ZFP41: variants seen among roughly 807,000 people sequenced by gnomAD.
ZFP41 encodes the protein zinc finger protein 41 homolog.
Under a neutral mutation model 11.6 loss-of-function variants are expected in ZFP41, and 10 were observed. That is an observed-to-expected ratio of 0.86 (90% CI 0.53 to 1.47). ZFP41 has a LOEUF of 1.47. ZFP41 is among the 40% of genes most tolerant of loss of function. ZFP41 has a pLI of 0.00. For missense variants in ZFP41, 302 were observed against 264.6 expected (o/e 1.14, Z -0.98); for synonymous variants, 123 against 100.9 (o/e 1.22, Z -1.31).
At position 143,250,561 on chromosome 8, in the gene ZFP41, C is replaced by T; in HGVS notation, c.*121C>T. 1 of 1,483,786 alleles carries T rather than the reference C, an allele frequency of 6.7e-7. No individual in the cohort carries two copies. 91.9% of individuals were successfully genotyped at this position (1,483,786 alleles called of 1,614,324 possible). The stretch of plus-strand genomic sequence containing the variant: ...GGCCGTGCGCACTGTGTTCCGTGCC[C>T]TGGGGACCCCCGGAAAAGCAGCCCA... On this transcript the variant is annotated 3_prime_UTR_variant, in exon 2 of 3. Transcript: ENST00000330701.
intron 2 of ZFP41, among the ~76,000 whole-genome samples, chr8:143,256,502 C>T (rs951654960): frequency 1.3e-5 from 2 of 152,222 alleles, no homozygotes; most frequent in Admixed American, 1.3e-4. Flanking sequence ...GGGGGCCATG[C>T]AAACTGACTG....
chr8:143,257,402 C>G (rs1407285725), intron 2 of ZFP41, among the ~76,000 whole-genome samples: 1 of 152,144 alleles, frequency 6.6e-6, no homozygotes, highest in Non-Finnish European at 1.5e-5. Context: ...GAGGCTGAGG[C>G]AGGAGAATTG....
At chr8:143,252,412 G>A (rs779622754) in intron 2 of ZFP41, among the ~76,000 whole-genome samples, 2 of 152,260 alleles carry the variant, frequency 1.3e-5, no homozygotes, top group Admixed American at 6.5e-5. Context: ...GCTCGCCTGC[G>A]GGCCCTGCCT....
At chr8:143,248,313 ACCCTGTCG>A (rs1183629382) in intron 1 of ZFP41, 1 of 152,106 alleles carries the variant, frequency 6.6e-6, no homozygotes, top group African/African-American at 2.4e-5. Context: ...CCTTCAGGAG[ACCCTGTCG>A]CATAAGGAGA....
At chr8:143,248,083 G>A (rs1459016152) in intron 1 of ZFP41, 1 of 152,232 alleles carries the variant, frequency 6.6e-6, no homozygotes, top group Admixed American at 6.5e-5. Context: ...CTCCCAAAGT[G>A]CTGGGATTAC....
chr8:143,250,494 G>A lies in ZFP41; in HGVS notation c.*54G>A. ...GCGGTGCGAGCCTCGCCGGACACCT[G>A]CTCCGTGGCTCCCTCGTGTCCCGCG... On this transcript the variant is annotated 3_prime_UTR_variant, in exon 2 of 3. Coordinates refer to ENST00000330701, the MANE Select transcript of ZFP41 (RefSeq NM_173832.6). 1 of 1,569,024 alleles carries A rather than the reference G, an allele frequency of 6.4e-7. No individual in the cohort carries two copies.
At chr8:143,254,735 C>T (rs1461349555) in intron 2 of ZFP41, among the ~76,000 whole-genome samples, 5 of 149,856 alleles carry the variant, frequency 3.3e-5, no homozygotes, top group Admixed American at 6.8e-5. Context: ...CGCGGTCAAG[C>T]GATTCCCCTG....
At position 143,249,999 on chromosome 8, in the gene ZFP41, G is replaced by A; in HGVS notation, c.156G>A (p.Leu52=). ...GGAAGCCCCGCACAGAGCCCTGCCT[G>A]AGTCCTGAAGACGAAGAGCACGTCT... ...VPRKPRTEPC[L]SPEDEEHVFD... Residue 52 remains leucine (L), a synonymous_variant, in exon 2 of 3, where the codon CTG becomes CTA. Coordinates refer to ENST00000330701, the MANE Select transcript of ZFP41 (RefSeq NM_173832.6). The A allele has an allele frequency of 6.2e-7, 1 of 1,614,174 alleles. No individual in the cohort carries two copies. Among genetic ancestry groups the A allele is most frequent in the Non-Finnish European group, 8.5e-7 (1 of 1,180,030 alleles).
chr8:143,251,924 T>C (rs1409811495), intron 2 of ZFP41, among the ~76,000 whole-genome samples: 1 of 152,146 alleles, frequency 6.6e-6, no homozygotes, highest in East Asian at 1.9e-4. Context: ...ACGCAGAGTG[T>C]GTCTCTTCTC....
chr8:143,249,826 C>A lies in ZFP41; in HGVS notation c.-18C>A. ...GGTCAGCAGCCCCTTAGCCCTCACG[C>A]TTCCAAGGAACAGAATGATGGAGAA... On this transcript the variant is annotated 5_prime_UTR_variant, in exon 2 of 3. Coordinates refer to ENST00000330701, the MANE Select transcript of ZFP41 (RefSeq NM_173832.6). The A allele has an allele frequency of 6.4e-7, 1 of 1,561,844 alleles. No individual in the cohort carries two copies. The highest frequency in any genetic ancestry group is 8.6e-7 in the Non-Finnish European group (1 of 1,159,358).
At chr8:143,259,479 C>A (rs2130721471) in intron 2 of ZFP41, among the ~76,000 whole-genome samples, 1 of 152,324 alleles carries the variant, frequency 6.6e-6, no homozygotes, top group South Asian at 2.1e-4. Flanking sequence ...ACTCAGCTTA[C>A]ACATCTGACA....
chr8:143,248,965 ACCT>A (rs1350994631), intron 1 of ZFP41, among the ~76,000 whole-genome samples: 2 of 152,094 alleles, frequency 1.3e-5, no homozygotes, highest in African/African-American at 4.8e-5. Flanking sequence ...AAGGCCACCA[ACCT>A]CCTCTCAACA....
Position 143,261,524 on chromosome 8 carries a change from T to C in ZFP41, c.*2650T>C, listed in dbSNP as rs2129639066. ...AGCCTCACGCTTACAGAGCCTGGTG[T>C]TGGCACTCTCCTGGCTTCCTCCGCA... On this transcript the variant is annotated 3_prime_UTR_variant, in exon 3 of 3. Coordinates refer to ENST00000330701, the MANE Select transcript of ZFP41 (RefSeq NM_173832.6). The C allele has an allele frequency of 6.5e-6, 1 of 152,904 alleles. No individual in the cohort carries two copies. 9.5% of individuals were successfully genotyped at this position (152,904 alleles called of 1,614,324 possible).
chr8:143,253,074 G>C (rs1484870844), intron 2 of ZFP41: 1 of 152,314 alleles, frequency 6.6e-6, no homozygotes, highest in East Asian at 1.9e-4. Context: ...TGTGATCCTG[G>C]ATCGGAAGAG....
At chr8:143,255,188 G>T (rs1814877142) in intron 2 of ZFP41, among the ~76,000 whole-genome samples, 1 of 152,136 alleles carries the variant, frequency 6.6e-6, no homozygotes, top group South Asian at 2.1e-4. Context: ...GCACGTAGTG[G>T]GTCAAGAGCA....
Position 143,250,500 on chromosome 8 carries a change from T to C in ZFP41, c.*60T>C. 2 of 1,566,554 alleles carry C rather than the reference T, an allele frequency of 1.3e-6. No individual in the cohort carries two copies. The highest frequency in any genetic ancestry group is 2.4e-5 in the South Asian group (2 of 84,176). On this transcript the variant is annotated 3_prime_UTR_variant, in exon 2 of 3. Coordinates refer to ENST00000330701, the MANE Select transcript of ZFP41 (RefSeq NM_173832.6). ...CGAGCCTCGCCGGACACCTGCTCCG[T>C]GGCTCCCTCGTGTCCCGCGTCTGAT...
chr8:143,253,569 A>G (rs184841350), intron 2 of ZFP41: 9 of 152,350 alleles, frequency 5.9e-5, no homozygotes, highest in African/African-American at 1.9e-4. Flanking sequence ...GGCTGTGCCA[A>G]TAAAACTTTA....
rs956406569 is a variant in ZFP41, at chr8:143,251,354, C to T, written c.*900+14C>T. 2.9e-4 allele frequency: 47 copies of T among 161,224 alleles called. No homozygotes were observed. Among genetic ancestry groups the T allele is most frequent in the East Asian group, 1.9e-4 (1 of 5,206 alleles). The allele number at this position is 161,224 out of a possible 1,614,324, so 10.0% of individuals were successfully genotyped here. A position where few individuals can be genotyped will look rare whatever the true frequency, so the allele number is the denominator to read the frequency against. ...CCCAGCATTCAGGTTAGTTCTACTT[C>T]TTCATGCCTGTACCCAGTCCTGTCC... is the stretch of plus-strand genomic sequence containing the variant. On this transcript the variant is annotated intron_variant, in intron 2 of 2. Transcript: ENST00000330701.
At position 143,262,271 on chromosome 8, in the gene ZFP41, C is replaced by T; in HGVS notation, c.*3397C>T. 1 of 157,424 alleles carries T rather than the reference C, an allele frequency of 6.4e-6. No individual in the cohort carries two copies. Among genetic ancestry groups the T allele is most frequent in the Non-Finnish European group, 1.4e-5 (1 of 71,530 alleles). 9.8% of individuals were successfully genotyped at this position (157,424 alleles called of 1,614,324 possible). A position where few individuals can be genotyped will look rare whatever the true frequency, so the allele number is the denominator to read the frequency against. ...TGCCTGTGTCCCCGTGTGCCTGTTT[C>T]CTGGTGAGGCTGGATGCCTGGCATG... On this transcript the variant is annotated 3_prime_UTR_variant, in exon 3 of 3. Coordinates refer to ENST00000330701, the MANE Select transcript of ZFP41 (RefSeq NM_173832.6).
Sources: allele counts gnomAD v4.1 joint callset (sites outside exome capture counted in the v4.1 genomes callset), GRCh38; gene constraint gnomAD v4.1.1; transcripts MANE v1.5; gene names NCBI Gene and HGNC (gene_info 2026-07-23, HGNC 2026-07-21).